Variants in SHOC1 observed in about 807,000 individuals in gnomAD.
SHOC1 encodes the protein protein shortage in chiasmata 1 ortholog.
In SHOC1, 136 loss-of-function variants were observed where a neutral mutation model predicts 179.2. The observed-to-expected ratio is 0.76, with a 90% CI of 0.66 to 0.87. The LOEUF (loss-of-function observed/expected upper bound fraction) is 0.87. SHOC1 is among the 40% of genes least tolerant of loss of function. The pLI, the probability that SHOC1 is intolerant of heterozygous loss-of-function variation, is 0.00. For missense variants in SHOC1, 1,538 were observed against 1,700.8 expected (o/e 0.90, Z 1.68); for synonymous variants, 489 against 586.6 (o/e 0.83, Z 2.41).
At chr9:111,767,858 A>G (rs1835416198) in intron 5 of SHOC1, among the ~76,000 whole-genome samples, 1 of 151,674 alleles carries the variant, frequency 6.6e-6, no homozygotes, top group Non-Finnish European at 1.5e-5. Flanking sequence ...TGTCCTCCTC[A>G]ATTTCTTTCA....
chr9:111,748,745 C>T (rs1834407041), intron 8 of SHOC1, among the ~76,000 whole-genome samples: 1 of 49,984 alleles, frequency 2.0e-5, no homozygotes, highest in African/African-American at 8.9e-5. Flanking sequence ...GCCTGCCTTC[C>T]TTTTTTCCTT....
intron 5 of SHOC1, among the ~76,000 whole-genome samples, chr9:111,760,912 A>G (rs1002814890): frequency 2.0e-5 from 3 of 151,714 alleles, no homozygotes; most frequent in Non-Finnish European, 4.4e-5. Context: ...CTGGAAGAAT[A>G]TAGTTATGAG....
At chr9:111,743,985 T>C (rs1223828632) in intron 10 of SHOC1, among the ~76,000 whole-genome samples, 1 of 152,240 alleles carries the variant, frequency 6.6e-6, no homozygotes, top group Non-Finnish European at 1.5e-5. Flanking sequence ...AAAGCCTTTT[T>C]TTTCTAACTT....
intron 5 of SHOC1, among the ~76,000 whole-genome samples, chr9:111,769,986 G>GTT (rs769266659): frequency 2.1e-4 from 16 of 77,620 alleles, no homozygotes; most frequent in African/African-American, 5.9e-4. Context: ...TTTTTTTTTT[G>GTT]TTTTTTTTTT....
At chr9:111,746,635 C>A (rs2131521508) in intron 9 of SHOC1, among the ~76,000 whole-genome samples, 1 of 152,162 alleles carries the variant, frequency 6.6e-6, no homozygotes, top group South Asian at 2.1e-4. Context: ...TGTCACTGTA[C>A]TCCAACCTGG....
intron 27 of SHOC1, among the ~76,000 whole-genome samples, chr9:111,688,651 C>T (rs970085611): frequency 6.6e-6 from 1 of 151,754 alleles, no homozygotes; most frequent in African/African-American, 2.4e-5. Context: ...AAAAAACCAA[C>T]AACATGAGAA....
chr9:111,717,677 T>C (rs558028982), intron 16 of SHOC1, among the ~76,000 whole-genome samples: 1 of 152,066 alleles, frequency 6.6e-6, no homozygotes, highest in East Asian at 1.9e-4. Flanking sequence ...TTTAATTTGA[T>C]AGGTTATAAA....
Position 111,686,834 on chromosome 9 carries a change from C to T in SHOC1, c.4463G>A (p.Arg1488Gln), listed in dbSNP as rs748200007. ...MCSQLPQFKK[R>Q]RLAYEKVPGR... ...AGGGACTTTTTCATATGCTAGACGT[C>T]GTTTTTTGAATTGTGGTAGTTGTGA... Residue 1488 changes from arginine (R) to glutamine (Q), a missense_variant, in exon 28 of 28, where the codon CGA (arginine) becomes CAA (glutamine). Arg to Gln is a conservative substitution (Grantham distance 43, BLOSUM62 1). Coordinates refer to ENST00000682961, the MANE Select transcript of SHOC1 (RefSeq NM_001378211.1). 2.0e-5 allele frequency: 32 copies of T among 1,611,848 alleles called. No homozygotes were observed. Among genetic ancestry groups the T allele is most frequent in the East Asian group, 1.3e-4 (6 of 44,722 alleles).
chr9:111,704,942 C>T (rs540893502), intron 21 of SHOC1, among the ~76,000 whole-genome samples: 16 of 151,758 alleles, frequency 1.1e-4, no homozygotes, highest in Non-Finnish European at 1.8e-4. Flanking sequence ...AAAAGAAATG[C>T]AAGTAAAACA....
In SHOC1 at chr9:111,722,578, C is replaced by A; in HGVS notation, c.1962G>T (p.Gln654His). ...SVIEIQASDS[Q>H]CQAFCLLEAA... Reference sequence around the variant, plus strand: ...CTTCGAGGAGGCAAAATGCTTGGCACTGGCTATCTGCAAAAATAAAAGCAT... The same window carrying A: ...CTTCGAGGAGGCAAAATGCTTGGCAATGGCTATCTGCAAAAATAAAAGCAT... The change falls in exon 15 of 28, where the codon CAG becomes CAT. Residue 654 changes from glutamine (Q) to histidine (H), a missense_variant. Gln to His is a conservative substitution (Grantham distance 24). Transcript: ENST00000682961. 6.3e-7 allele frequency: 1 copy of A among 1,593,308 alleles called. No homozygotes were observed. The highest frequency in any genetic ancestry group is 1.2e-5 in the South Asian group (1 of 86,092).
intron 7 of SHOC1, 136 bp downstream of exon 7, chr9:111,757,948 T>G (rs1834944357): frequency 1.9e-6 from 1 of 523,424 alleles, no homozygotes; most frequent in African/African-American, 2.0e-5. Context: ...TAAATTTGAC[T>G]TCTTAATTGA....
intron 25 of SHOC1, 76 bp from the exon 26 acceptor site, chr9:111,694,024 T>A (rs1310429793): frequency 1.6e-6 from 2 of 1,288,382 alleles, no homozygotes; most frequent in Middle Eastern, 2.0e-4. Flanking sequence ...GTAAGTACAT[T>A]TCTTCCTAGA....
At position 111,773,003 on chromosome 9, in the gene SHOC1, G is replaced by A. The variant is rs114183157; in HGVS notation, c.442+2788C>T. 6.5e-3 allele frequency among the ~76,000 whole-genome samples: 987 copies of A among 152,030 alleles called. 9 individuals are homozygous for A. Among genetic ancestry groups the A allele is most frequent in the African/African-American group, 0.022 (930 of 41,390 alleles). On this transcript the variant is annotated intron_variant, in intron 5 of 27. Coordinates refer to ENST00000682961, the MANE Select transcript of SHOC1 (RefSeq NM_001378211.1). ...AGATTTTCCATGTGGTTGTTGTCAG[G>A]CAGAATGGGCAGGGTGGGGCATCAT...
At chr9:111,737,003 C>T (rs1833837661) in intron 12 of SHOC1, among the ~76,000 whole-genome samples, 1 of 152,136 alleles carries the variant, frequency 6.6e-6, no homozygotes, top group Non-Finnish European at 1.5e-5. Flanking sequence ...ATCAAAGCTA[C>T]AATGAGGTAC....
chr9:111,734,665 T>C (rs1833738563), intron 12 of SHOC1, among the ~76,000 whole-genome samples: 1 of 152,182 alleles, frequency 6.6e-6, no homozygotes, highest in African/African-American at 2.4e-5. Context: ...GTTATATTAC[T>C]AGTGAGCCAC....
chr9:111,791,486 G>T, intron 1 of SHOC1, 32 bp from the exon 2 acceptor site: 2 of 1,041,742 alleles, frequency 1.9e-6, no homozygotes, highest in Non-Finnish European at 1.3e-6. Flanking sequence ...TTAAACACTG[G>T]TAAAATAGCA....
Position 111,702,155 on chromosome 9 carries a change from C to T in SHOC1, c.3039G>A (p.Gln1013=), listed in dbSNP as rs1832003236. 1.3e-6 allele frequency: 2 copies of T among 1,483,762 alleles called. No homozygotes were observed. The highest frequency in any genetic ancestry group is 1.7e-5 in the Admixed American group (1 of 58,850). The allele number at this position is 1,483,762 out of a possible 1,614,324, so 91.9% of individuals were successfully genotyped here. The change falls in exon 23 of 28, where the codon CAG becomes CAA. Residue 1013 remains glutamine, a synonymous_variant. Coordinates refer to ENST00000682961, the MANE Select transcript of SHOC1 (RefSeq NM_001378211.1). ...ATAAAATTATCCAACAATATCTGTA[C>T]TGTAATGATAATGCCATCAGCCTCA... The part of the protein sequence containing the change: ...IIMRLMALSL[Q]YRYCWIILYT...
At chr9:111,781,240 A>T in intron 3 of SHOC1, 1 of 453,328 alleles carries the variant, frequency 2.2e-6, no homozygotes, top group Middle Eastern at 6.0e-4. Context: ...TCACCTGAAC[A>T]TATCACCCTC....
chr9:111,751,743 T>C lies in SHOC1; in HGVS notation c.863-3544A>G, dbSNP rs574154036. On this transcript the variant is annotated intron_variant, in intron 8 of 27. Coordinates refer to ENST00000682961, the MANE Select transcript of SHOC1 (RefSeq NM_001378211.1). Reference sequence around the variant, plus strand: ...CTTTCAAAATTATCTGGCTTTTGTTTTAAGAAAGCAGGAAACACATATATT... The same window carrying C: ...CTTTCAAAATTATCTGGCTTTTGTTCTAAGAAAGCAGGAAACACATATATT... Among the ~76,000 whole-genome samples the C allele has an allele frequency of 5.3e-5, 8 of 152,262 alleles. No individual in the cohort carries two copies. In the South Asian group the frequency reaches 1.2e-3, roughly 24 times the overall value.
Sources: allele counts gnomAD v4.1 joint callset (sites outside exome capture counted in the v4.1 genomes callset), GRCh38; gene constraint gnomAD v4.1.1; transcripts MANE v1.5; gene names NCBI Gene and HGNC (gene_info 2026-07-23, HGNC 2026-07-21).